Variants in ADGRB3 observed in about 807,000 individuals in gnomAD.
ADGRB3 encodes the protein brain-specific angiogenesis inhibitor 3.
In ADGRB3, 37 loss-of-function variants were observed where a neutral mutation model predicts 193.4. The observed-to-expected ratio is 0.19, with a 90% CI of 0.15 to 0.25. ADGRB3 has a LOEUF of 0.25. Ranked by LOEUF, ADGRB3 falls within the 10% of genes least tolerant of loss-of-function variation. ADGRB3 has a pLI of 1.00. For missense variants in ADGRB3, 1,637 were observed against 1,852.9 expected (o/e 0.88, Z 2.14); for synonymous variants, 690 against 644.2 (o/e 1.07, Z -1.08).
intron 3 of ADGRB3, among the ~76,000 whole-genome samples, chr6:68,922,453 G>GA (rs1767069707): frequency 6.6e-6 from 1 of 152,204 alleles, no homozygotes; most frequent in African/African-American, 2.4e-5. Flanking sequence ...AATGATTTGA[G>GA]AAAATGTCTT....
chr6:69,053,821 G>A (rs1771467473), intron 15 of ADGRB3, among the ~76,000 whole-genome samples: 1 of 152,140 alleles, frequency 6.6e-6, no homozygotes, highest in Admixed American at 6.6e-5. Flanking sequence ...CATTGATATA[G>A]CAATTCTACT....
intron 3 of ADGRB3, among the ~76,000 whole-genome samples, chr6:68,910,761 C>G (rs991079240): frequency 1.6e-4 from 25 of 152,124 alleles, no homozygotes; most frequent in African/African-American, 5.8e-4. Flanking sequence ...TTCCATTGAT[C>G]TATATCTCTG....
chr6:68,944,137 G>C, intron 6 of ADGRB3, 143 bp downstream of exon 6: 1 of 843,064 alleles, frequency 1.2e-6, no homozygotes, highest in Non-Finnish European at 1.7e-6. Flanking sequence ...CCTAAAACTG[G>C]GTACTTTTCT....
chr6:69,054,185 A>C (rs190363208), intron 15 of ADGRB3, among the ~76,000 whole-genome samples: 1 of 152,204 alleles, frequency 6.6e-6, no homozygotes, highest in Non-Finnish European at 1.5e-5. Context: ...ACCAAAAGTT[A>C]TTACAAAATT....
At chr6:69,259,834 A>C (rs1373606197) in intron 20 of ADGRB3, among the ~76,000 whole-genome samples, 1 of 152,156 alleles carries the variant, frequency 6.6e-6, no homozygotes, top group Non-Finnish European at 1.5e-5. Context: ...AAGACATTGG[A>C]TATATCAGAG....
intron 3 of ADGRB3, among the ~76,000 whole-genome samples, chr6:68,896,264 C>T (rs552572415): frequency 6.6e-6 from 1 of 152,142 alleles, no homozygotes; most frequent in South Asian, 2.1e-4. Context: ...TTCTGTCTGT[C>T]CTCTATGCCC....
Position 69,235,134 on chromosome 6 carries a change from A to T in ADGRB3, c.2710A>T (p.Arg904Trp). 6.3e-7 allele frequency: 1 copy of T among 1,592,226 alleles called. No individual in the cohort carries two copies. The highest frequency in any genetic ancestry group is 8.6e-7 in the Non-Finnish European group (1 of 1,161,566). Residue 904 changes from arginine (R) to tryptophan (W), a missense_variant and splice_region_variant, in exon 19 of 32, where the codon AGG (arginine) becomes TGG (tryptophan). This residue lies in a region of ADGRB3 where 641 missense variants were observed against 673.9 expected (regional missense o/e 0.95). Coordinates refer to ENST00000370598, the MANE Select transcript of ADGRB3 (RefSeq NM_001704.3). ...AGCAGTTGTCTATGCAGCATTATGG[A>T]GGTAAGTAATCAATTGATAGACCTG... ...TLAVVYAALW[R>W]YIRSERSIIL...
At chr6:68,675,005 G>A (rs1769055162) in intron 3 of ADGRB3, among the ~76,000 whole-genome samples, 1 of 152,182 alleles carries the variant, frequency 6.6e-6, no homozygotes, top group African/African-American at 2.4e-5. Context: ...TTCAGGGGAT[G>A]TCCTTACTGT....
chr6:68,823,386 T>C (rs1008357802), intron 3 of ADGRB3, among the ~76,000 whole-genome samples: 2 of 151,976 alleles, frequency 1.3e-5, no homozygotes, highest in Non-Finnish European at 2.9e-5. Context: ...ACAGACTAGA[T>C]GGTAAGTAGA....
At chr6:68,730,815 G>A (rs552380179) in intron 3 of ADGRB3, among the ~76,000 whole-genome samples, 24 of 151,752 alleles carry the variant, frequency 1.6e-4, no homozygotes, top group African/African-American at 5.5e-4. Context: ...TCATGCATGA[G>A]TATCCCAGTT....
chr6:69,191,695 G>T (rs1005879666), intron 17 of ADGRB3, among the ~76,000 whole-genome samples: 2 of 152,156 alleles, frequency 1.3e-5, no homozygotes, highest in Non-Finnish European at 2.9e-5. Flanking sequence ...TTGAGTGCGT[G>T]CTATATGCCT....
At chr6:69,275,178 A>G (rs1235789317) in intron 20 of ADGRB3, among the ~76,000 whole-genome samples, 3 of 152,164 alleles carry the variant, frequency 2.0e-5, no homozygotes, top group Non-Finnish European at 4.4e-5. Context: ...GATCTGACTA[A>G]TATTACCCCT....
chr6:68,951,543 A>G (rs948033953), intron 6 of ADGRB3, among the ~76,000 whole-genome samples: 7 of 152,176 alleles, frequency 4.6e-5, no homozygotes, highest in Non-Finnish European at 7.3e-5. Context: ...CCCGTGGCGC[A>G]GTTGAGCAAT....
At chr6:69,276,475 G>A (rs1464460900) in intron 20 of ADGRB3, among the ~76,000 whole-genome samples, 1 of 152,144 alleles carries the variant, frequency 6.6e-6, no homozygotes, top group Non-Finnish European at 1.5e-5. Context: ...GGGCAGGTGG[G>A]GAGGAAGGAA....
intron 3 of ADGRB3, among the ~76,000 whole-genome samples, chr6:68,815,008 T>G (rs917119322): frequency 2.0e-5 from 3 of 152,198 alleles, no homozygotes; most frequent in Non-Finnish European, 4.4e-5. Context: ...GAGCTATCTA[T>G]GTCAAACCCA....
intron 3 of ADGRB3, among the ~76,000 whole-genome samples, chr6:68,816,420 G>C (rs957357572): frequency 2.0e-5 from 3 of 151,868 alleles, no homozygotes; most frequent in African/African-American, 7.3e-5. Context: ...CTACAGGGGT[G>C]CAAAAATAAT....
intron 17 of ADGRB3, among the ~76,000 whole-genome samples, chr6:69,148,545 A>T (rs988122629): frequency 1.3e-5 from 2 of 152,124 alleles, no homozygotes; most frequent in Non-Finnish European, 2.9e-5. Context: ...TAGTCTTTCT[A>T]CTTAAGATAA....
At chr6:69,253,036 T>C (rs1332622420) in intron 20 of ADGRB3, among the ~76,000 whole-genome samples, 1 of 152,086 alleles carries the variant, frequency 6.6e-6, no homozygotes, top group Non-Finnish European at 1.5e-5. Flanking sequence ...TGGTACTGTT[T>C]GTTCAAAAAA....
chr6:69,305,008 T>C (rs577631496), intron 20 of ADGRB3, among the ~76,000 whole-genome samples: 1 of 151,572 alleles, frequency 6.6e-6, no homozygotes, highest in Admixed American at 6.6e-5. Flanking sequence ...TCAGCATGGC[T>C]CATTACATTT....
Sources: allele counts gnomAD v4.1 joint callset (sites outside exome capture counted in the v4.1 genomes callset), GRCh38; gene constraint gnomAD v4.1.1; regional missense constraint gnomAD v4.1.1; transcripts MANE v1.5; gene names NCBI Gene and HGNC (gene_info 2026-07-23, HGNC 2026-07-21).